FBXO40: variants seen among roughly 807,000 people sequenced by gnomAD.
The protein encoded by FBXO40 is F-box protein 40, also known as F-box only protein 40.
A neutral mutation model predicts 49.9 loss-of-function variants in FBXO40; 50 were observed. The observed-to-expected ratio is 1.00, with a 90% CI of 0.80 to 1.27. The LOEUF (loss-of-function observed/expected upper bound fraction) is 1.27, where lower values mean the gene tolerates loss of function less well. FBXO40 is among the 50% of genes most tolerant of loss of function. FBXO40 has a pLI of 0.00. For synonymous variants in FBXO40, 340 were observed against 320.2 expected (o/e 1.06, Z -0.66); for missense variants, 895 against 870.1 (o/e 1.03, Z -0.36).
intron 2 of FBXO40, among the ~76,000 whole-genome samples, chr3:121,621,077 A>G (rs1435520608): frequency 6.6e-6 from 1 of 152,274 alleles, no homozygotes; most frequent in Non-Finnish European, 1.5e-5. Flanking sequence ...TCTAATAGCA[A>G]GATAAAAAGC....
chr3:121,605,202 G>T (rs983615532), intron 1 of FBXO40, among the ~76,000 whole-genome samples: 1 of 152,112 alleles, frequency 6.6e-6, no homozygotes, highest in Non-Finnish European at 1.5e-5. Context: ...CTCCCAAAGT[G>T]CTGGGATTAC....
At chr3:121,624,879 TA>T (rs201554792) in intron 3 of FBXO40, among the ~76,000 whole-genome samples, 7 of 151,510 alleles carry the variant, frequency 4.6e-5, no homozygotes, top group Admixed American at 1.3e-4. Flanking sequence ...ATCATTCCTT[TA>T]AAAAAAAATC....
chr3:121,623,033 T>C lies in FBXO40; in HGVS notation c.1604T>C (p.Ile535Thr), dbSNP rs1228229710. ...CCCCCAGGGCAAAAGGCAAAAGTAATCTATAGCCAGGAGCTCAAGACCTTT... is the reference window on the plus strand; with the variant it reads ...CCCCCAGGGCAAAAGGCAAAAGTAACCTATAGCCAGGAGCTCAAGACCTTT... ...FRPPGQKAKVIYSQELKTFAI... is the reference protein window; with the variant it reads ...FRPPGQKAKVTYSQELKTFAI... Residue 535 changes from isoleucine to threonine, a missense_variant, in exon 3 of 4, where the codon ATC becomes ACC. Transcript: ENST00000338040. The C allele has an allele frequency of 1.9e-6, 3 of 1,614,160 alleles. No individual in the cohort carries two copies. The Admixed American group carries it at 5.0e-5, about 27-fold the overall frequency.
chr3:121,614,554 G>A (rs2048986944), intron 1 of FBXO40, among the ~76,000 whole-genome samples: 1 of 152,168 alleles, frequency 6.6e-6, no homozygotes, highest in East Asian at 1.9e-4. Context: ...GAAGCAGGAC[G>A]CTCAGGCCAG....
rs528218383 is a variant in FBXO40 at position 121,621,421 on chromosome 3, T to C, written c.4-12T>C. The C allele has an allele frequency of 6.2e-7, 1 of 1,600,536 alleles. No individual in the cohort carries two copies. Among genetic ancestry groups the C allele is most frequent in the South Asian group, 1.1e-5 (1 of 89,726 alleles). ...TCATTTGTTTTCTTCCCCCTGTCCTTGGTGTGTCCAGGGGAAAGCCCGCAG... is the reference window on the plus strand; with the variant it reads ...TCATTTGTTTTCTTCCCCCTGTCCTCGGTGTGTCCAGGGGAAAGCCCGCAG... On this transcript the variant is annotated splice_polypyrimidine_tract_variant and intron_variant, in intron 2 of 3. Coordinates refer to ENST00000338040, the MANE Select transcript of FBXO40 (RefSeq NM_016298.4).
intron 1 of FBXO40, among the ~76,000 whole-genome samples, chr3:121,610,791 C>T (rs924756444): frequency 4.6e-5 from 7 of 152,176 alleles, no homozygotes; most frequent in South Asian, 2.1e-4. Flanking sequence ...CAAGCACATG[C>T]CACCACATAC....
chr3:121,620,331 A>G (rs1485903362), intron 1 of FBXO40, among the ~76,000 whole-genome samples: 2 of 152,202 alleles, frequency 1.3e-5, no homozygotes, highest in African/African-American at 2.4e-5. Context: ...GGCCTGGATT[A>G]CAAAGCTGAT....
chr3:121,623,126 G>C lies in FBXO40; in HGVS notation c.1697G>C (p.Gly566Ala), dbSNP rs1218453722. 1.2e-6 allele frequency: 2 copies of C among 1,614,086 alleles called. No individual in the cohort carries two copies. Among genetic ancestry groups the C allele is most frequent in the Non-Finnish European group, 1.7e-6 (2 of 1,180,042 alleles). Residue 566 changes from glycine (G) to alanine (A), a missense_variant, in exon 3 of 4, where the codon GGA becomes GCA. Transcript: ENST00000338040. The stretch of plus-strand genomic sequence containing the variant: ...AAGAACAACCATCTTTTGGGTCATG[G>C]AGGAAAAAGCCAGAATTCTTTAACC... ...GRKNNHLLGHGGKSQNSLTSL... is the reference protein window; with the variant it reads ...GRKNNHLLGHAGKSQNSLTSL...
intron 1 of FBXO40, among the ~76,000 whole-genome samples, chr3:121,595,395 G>A (rs541293004): frequency 5.9e-4 from 90 of 152,318 alleles, no homozygotes; most frequent in African/African-American, 2.0e-3. Context: ...TTGAGTCCCA[G>A]CTACCCCTAG....
At chr3:121,601,790 C>T (rs2048902541) in intron 1 of FBXO40, among the ~76,000 whole-genome samples, 1 of 152,198 alleles carries the variant, frequency 6.6e-6, no homozygotes, top group African/African-American at 2.4e-5. Flanking sequence ...TGATTTTCCC[C>T]TTCTTTCCCA....
intron 1 of FBXO40, among the ~76,000 whole-genome samples, chr3:121,619,579 A>G (rs2049018179): frequency 6.6e-6 from 1 of 152,262 alleles, no homozygotes; most frequent in African/African-American, 2.4e-5. Flanking sequence ...GAAATATAAA[A>G]TACTACTTTA....
At chr3:121,602,673 C>A (rs2048906328) in intron 1 of FBXO40, among the ~76,000 whole-genome samples, 1 of 152,216 alleles carries the variant, frequency 6.6e-6, no homozygotes, top group Non-Finnish European at 1.5e-5. Context: ...AGTACTCTTA[C>A]TTAACACCCC....
In FBXO40 at chr3:121,623,036, A is replaced by G. The variant is rs750877265; in HGVS notation, c.1607A>G (p.Tyr536Cys). 5.6e-6 allele frequency: 9 copies of G among 1,614,244 alleles called. No individual in the cohort carries two copies. In the South Asian group the frequency reaches 8.8e-5, roughly 16 times the overall value. Reference sequence around the variant, plus strand: ...CCAGGGCAAAAGGCAAAAGTAATCTATAGCCAGGAGCTCAAGACCTTTGCC... The same window carrying G: ...CCAGGGCAAAAGGCAAAAGTAATCTGTAGCCAGGAGCTCAAGACCTTTGCC... ...RPPGQKAKVIYSQELKTFAIK... is the reference protein window; with the variant it reads ...RPPGQKAKVICSQELKTFAIK... Residue 536 changes from tyrosine (Y) to cysteine (C), a missense_variant, in exon 3 of 4, where the codon TAT becomes TGT. Transcript: ENST00000338040.
intron 3 of FBXO40, among the ~76,000 whole-genome samples, chr3:121,626,106 G>A (rs1181489067): frequency 6.6e-6 from 1 of 152,224 alleles, no homozygotes; most frequent in East Asian, 1.9e-4. Flanking sequence ...ATTGGCCTAT[G>A]TAACTAAAAA....
rs1017636053 is a variant in FBXO40, at chr3:121,621,640, G to A, written c.211G>A (p.Gly71Ser). Residue 71 changes from glycine (G) to serine (S), a missense_variant, in exon 3 of 4, where the codon GGC becomes AGC. Gly to Ser is a moderately conservative substitution (Grantham distance 56, BLOSUM62 0). Coordinates refer to ENST00000338040, the MANE Select transcript of FBXO40 (RefSeq NM_016298.4). ...GGTTCCGTGCCTCAACTCCGAATAT[G>A]GCTGCCCTCTGTCCATGTCCCGCCA... ...EQVPCLNSEY[G>S]CPLSMSRHKL... 7 of 1,614,200 alleles carry A rather than the reference G, an allele frequency of 4.3e-6. No homozygotes were observed. Among genetic ancestry groups the A allele is most frequent in the Non-Finnish European group, 1.7e-6 (2 of 1,180,034 alleles).
intron 1 of FBXO40, among the ~76,000 whole-genome samples, chr3:121,614,578 A>C (rs1227041343): frequency 6.6e-6 from 1 of 152,224 alleles, no homozygotes; most frequent in Non-Finnish European, 1.5e-5. Context: ...CAGAAAGCAC[A>C]AGGTGGATTA....
At chr3:121,597,222 C>CA (rs2048877119) in intron 1 of FBXO40, among the ~76,000 whole-genome samples, 2 of 152,122 alleles carry the variant, frequency 1.3e-5, no homozygotes, top group South Asian at 2.1e-4. Context: ...TGCAGATGAG[C>CA]AAAAAAATTT....
At chr3:121,612,351 G>A (rs2048970974) in intron 1 of FBXO40, among the ~76,000 whole-genome samples, 1 of 152,150 alleles carries the variant, frequency 6.6e-6, no homozygotes, top group Non-Finnish European at 1.5e-5. Context: ...GACAGGGCTT[G>A]AAGGGTAAGG....
rs2049071309 is a variant in FBXO40 at position 121,627,900 on chromosome 3, C to T, written c.*990C>T. ...ACTGCAGTTCCTATGGCGCCAGTCACCAGCTCCTAGACAGCACTTGGGTAC... is the reference window on the plus strand; with the variant it reads ...ACTGCAGTTCCTATGGCGCCAGTCATCAGCTCCTAGACAGCACTTGGGTAC... On this transcript the variant is annotated 3_prime_UTR_variant, in exon 4 of 4. Coordinates refer to ENST00000338040, the MANE Select transcript of FBXO40 (RefSeq NM_016298.4). 1.5e-5 allele frequency: 6 copies of T among 398,714 alleles called. No homozygotes were observed. Among genetic ancestry groups the T allele is most frequent in the Non-Finnish European group, 2.7e-5 (6 of 226,148 alleles). 24.7% of individuals were successfully genotyped at this position (398,714 alleles called of 1,614,324 possible). A position where few individuals can be genotyped will look rare whatever the true frequency, so the allele number is the denominator to read the frequency against.
Sources: allele counts gnomAD v4.1 joint callset (sites outside exome capture counted in the v4.1 genomes callset), GRCh38; gene constraint gnomAD v4.1.1; transcripts MANE v1.5; gene names NCBI Gene and HGNC (gene_info 2026-07-23, HGNC 2026-07-21).